CARNS1: variants seen among roughly 807,000 people sequenced by gnomAD.
CARNS1 encodes carnosine synthase 1.
A neutral mutation model predicts 74.0 loss-of-function variants in CARNS1; 61 were observed. That is an observed-to-expected ratio of 0.82 (90% confidence interval 0.67 to 1.02). The LOEUF is 1.02. Ranked by LOEUF, CARNS1 falls within the 50% of genes least tolerant of loss-of-function variation. The pLI, the probability that CARNS1 is intolerant of heterozygous loss-of-function variation, is 0.00. For synonymous variants in CARNS1, 568 were observed against 605.5 expected, an observed-to-expected ratio of 0.94 and a Z score of 0.91; for missense variants, 1,278 against 1,308.4, an observed-to-expected ratio of 0.98 and a Z score of 0.36.
chr11:67,421,031 C>A lies in CARNS1; in HGVS notation c.1438C>A (p.Leu480Met). ...GGLCLEACGA[L>M]EGLWAAPRLG... Reference sequence around the variant, plus strand: ...CCTGTGTCTGGAGGCGTGCGGCGCGCTGGAGGGGCTGTGGGCCGCGCCGCG... The same window carrying A: ...CCTGTGTCTGGAGGCGTGCGGCGCGATGGAGGGGCTGTGGGCCGCGCCGCG... The change falls in exon 9 of 10, where the codon CTG becomes ATG. Residue 480 changes from leucine to methionine, a missense_variant. Leu to Met is a conservative substitution (Grantham distance 15). This residue lies in a region of CARNS1 where 1,164 missense variants were observed against 1,156.5 expected (regional missense o/e 1.01). Coordinates refer to ENST00000687366, the MANE Select transcript of CARNS1 (RefSeq NM_001166222.2). 7.3e-7 allele frequency: 1 copy of A among 1,361,150 alleles called. No homozygotes were observed. The highest frequency in any genetic ancestry group is 9.4e-7 in the Non-Finnish European group (1 of 1,065,422). 84.3% of individuals were successfully genotyped at this position (1,361,150 alleles called of 1,614,324 possible).
At position 67,421,212 on chromosome 11, in the gene CARNS1, G is replaced by A; in HGVS notation, c.1619G>A (p.Gly540Glu). ...GTGTGGGAGGCGGCGCGCGACTACG[G>A]GCTCCAGGTGGGCGGGGCGCGGGGC... ...KFVWEAARDY[G>E]LQLHLVESDP... The change falls in exon 9 of 10, where the codon GGG becomes GAG. Residue 540 changes from glycine to glutamate, a missense_variant. Physicochemically the swap from Gly to Glu is moderately conservative, Grantham distance 98 (BLOSUM62 -2). Transcript: ENST00000687366. The A allele has an allele frequency of 6.7e-7, 1 of 1,488,800 alleles. No homozygotes were observed. The highest frequency in any genetic ancestry group is 8.9e-7 in the Non-Finnish European group (1 of 1,126,082). 92.2% of individuals were successfully genotyped at this position (1,488,800 alleles called of 1,614,324 possible).
chr11:67,419,745 TC>T lies in CARNS1; in HGVS notation c.1028-3del. ...GTGCTGGCCTTAGACCTCCCCGTCT[TC>T]CCCCAGATGGTCCTTCACCCGGCCC... is the stretch of plus-strand genomic sequence containing the variant. On this transcript the variant is annotated splice_polypyrimidine_tract_variant and splice_region_variant and intron_variant, in intron 6 of 9. Coordinates refer to ENST00000687366, the MANE Select transcript of CARNS1 (RefSeq NM_001166222.2). 6.2e-7 allele frequency: 1 copy of T among 1,601,790 alleles called. No individual in the cohort carries two copies. The highest frequency in any genetic ancestry group is 8.5e-7 in the Non-Finnish European group (1 of 1,174,748).
Position 67,420,845 on chromosome 11 carries a change from G to A in CARNS1, c.1345+5G>A. ...GGGCGCACACGGACTTCCTGGGTGA[G>A]TGAGGGCGGCCGGGGCCGGGGCCGG... is the stretch of plus-strand genomic sequence containing the variant. On this transcript the variant is annotated splice_donor_5th_base_variant and intron_variant, in intron 8 of 9. Transcript: ENST00000687366. The A allele has an allele frequency of 8.0e-7, 1 of 1,257,504 alleles. No homozygotes were observed. Among genetic ancestry groups the A allele is most frequent in the Non-Finnish European group, 1.0e-6 (1 of 1,004,050 alleles). 77.9% of individuals were successfully genotyped at this position (1,257,504 alleles called of 1,614,324 possible). A position where few individuals can be genotyped will look rare whatever the true frequency, so the allele number is the denominator to read the frequency against.
At position 67,423,628 on chromosome 11, in the gene CARNS1, A is replaced by G; in HGVS notation, c.1880A>G (p.Lys627Arg). The change falls in exon 10 of 10, where the codon AAG (lysine) becomes AGG (arginine). Residue 627 changes from lysine (K) to arginine (R), a missense_variant. Lys to Arg is a conservative substitution (Grantham distance 26). This residue lies in a region of CARNS1 where 1,164 missense variants were observed against 1,156.5 expected (regional missense o/e 1.01). Transcript: ENST00000687366. The surrounding 1 kb of genome is among the most constrained non-coding windows in gnomAD (Gnocchi z 5.1). ...SPAAMRLAKQ[K>R]SLTQLHLLHH... ...GCTGCCATGCGCCTGGCTAAGCAGA[A>G]GAGCCTCACCCAGCTGCACCTGTTG... is the stretch of plus-strand genomic sequence containing the variant. 1 of 1,609,582 alleles carries G rather than the reference A, an allele frequency of 6.2e-7. No individual in the cohort carries two copies. Among genetic ancestry groups the G allele is most frequent in the Non-Finnish European group, 8.5e-7 (1 of 1,178,642 alleles).
rs1341449906 is a variant in CARNS1 at position 67,423,816 on chromosome 11, G to A, written c.2068G>A (p.Asp690Asn). The change falls in exon 10 of 10, where the codon GAT becomes AAT. Residue 690 changes from aspartate to asparagine, a missense_variant. By Grantham distance (23) the Asp-to-Asn change is conservative. This residue lies in a region of CARNS1 where 1,164 missense variants were observed against 1,156.5 expected (regional missense o/e 1.01). Coordinates refer to ENST00000687366, the MANE Select transcript of CARNS1 (RefSeq NM_001166222.2). This position sits in a 1 kb window ranked among gnomAD's most constrained non-coding sequence, Gnocchi z 5.1. ...TGCAGTGGGTGTCCGGCTGGTAGAG[G>A]ATGCGCCACAGTGCCATGAGCACTT... The part of the protein sequence containing the change: ...AGAVGVRLVE[D>N]APQCHEHFSR... The A allele has an allele frequency of 3.7e-6, 6 of 1,608,624 alleles. No homozygotes were observed. Among genetic ancestry groups the A allele is most frequent in the Admixed American group, 1.7e-5 (1 of 59,868 alleles).
At chr11:67,419,277 A>G in intron 5 of CARNS1, 34 bp downstream of exon 5, 15 of 1,469,040 alleles carry the variant, frequency 1.0e-5, no homozygotes, top group East Asian at 2.5e-5. Context: ...AGGTCTGTAC[A>G]GATGCCAGCA....
intron 7 of CARNS1, among the ~76,000 whole-genome samples, 173 bp from the exon 8 acceptor site, chr11:67,420,436 G>C (rs1217629986): frequency 6.6e-6 from 1 of 152,238 alleles, no homozygotes; most frequent in East Asian, 1.9e-4. Context: ...AGAGGTCTGG[G>C]GACCAGATGG....
chr11:67,415,693 C>T lies in CARNS1; in HGVS notation c.-95C>T. ...TGGGCCGGGCGCTGTGCCACTGCCA[C>T]CGCCGCCGCCGCTGCATCCCGCCCG... On this transcript the variant is annotated 5_prime_UTR_variant, in exon 1 of 10. Transcript: ENST00000687366. 6.5e-6 allele frequency: 1 copy of T among 154,034 alleles called. No individual in the cohort carries two copies. The highest frequency in any genetic ancestry group is 1.8e-4 in the South Asian group (1 of 5,690). The allele number at this position is 154,034 out of a possible 1,614,324, so 9.5% of individuals were successfully genotyped here. A position where few individuals can be genotyped will look rare whatever the true frequency, so the allele number is the denominator to read the frequency against.
Position 67,416,175 on chromosome 11 carries a change from GTCTC to G in CARNS1, c.-22_-19del, listed in dbSNP as rs1427752456. ...CTCTGTCCCTCTGTCTCTGCCATCA[GTCTC>G]TCAGCCACTCCACCCACGAGATGGT... On this transcript the variant is annotated splice_region_variant and 5_prime_UTR_variant, in exon 2 of 10. Transcript: ENST00000687366. The G allele has an allele frequency of 4.0e-6, 6 of 1,495,820 alleles. No homozygotes were observed. The East Asian group carries it at 9.8e-5, about 24-fold the overall frequency. The allele number at this position is 1,495,820 out of a possible 1,614,324, so 92.7% of individuals were successfully genotyped here. A position where few individuals can be genotyped will look rare whatever the true frequency, so the allele number is the denominator to read the frequency against.
Position 67,424,395 on chromosome 11 carries a change from C to A in CARNS1, c.2647C>A (p.Gln883Lys). 6.3e-7 allele frequency: 1 copy of A among 1,592,644 alleles called. No homozygotes were observed. The highest frequency in any genetic ancestry group is 2.3e-5 in the East Asian group (1 of 43,744). ...TTCCACCGCCAGCCGTGAGACCCTG[C>A]AGGCCCTGCACGACCGTGGACTGCT... ...LSSTASRETL[Q>K]ALHDRGLLRL... The change falls in exon 10 of 10, where the codon CAG (glutamine) becomes AAG (lysine). Residue 883 changes from glutamine (Q) to lysine (K), a missense_variant. Transcript: ENST00000687366.
At position 67,424,376 on chromosome 11, in the gene CARNS1, C is replaced by G; in HGVS notation, c.2628C>G (p.Thr876=). The stretch of plus-strand genomic sequence containing the variant: ...AGCACCTGCAGGCCCTGAGTTCCAC[C>G]GCCAGCCGTGAGACCCTGCAGGCCC... The part of the protein sequence containing the change: ...VSQHLQALSS[T]ASRETLQALH... Residue 876 remains threonine (T), a synonymous_variant, in exon 10 of 10, where the codon ACC becomes ACG. Transcript: ENST00000687366. 1 of 1,596,018 alleles carries G rather than the reference C, an allele frequency of 6.3e-7. No homozygotes were observed. Among genetic ancestry groups the G allele is most frequent in the Non-Finnish European group, 8.5e-7 (1 of 1,171,704 alleles).
chr11:67,417,718 G>A (rs944207283), intron 3 of CARNS1, 41 bp downstream of exon 3: 15 of 1,223,174 alleles, frequency 1.2e-5, no homozygotes, highest in Non-Finnish European at 1.5e-5. Context: ...TCTGGGGGCA[G>A]GGAGGGGCCC....
rs866047750 is a variant in CARNS1 at position 67,417,475 on chromosome 11, C to A, written c.72C>A (p.Gly24=). The change falls in exon 3 of 10, where the codon GGC becomes GGA. Residue 24 remains glycine (G), a synonymous_variant. Transcript: ENST00000687366. ...GCTCCAAGGACCTGGAGGAAGAGGG[C>A]CCCTGGGGAGGGGGCTCTGGCCTGC... The part of the protein sequence containing the change: ...PLGSKDLEEE[G]PWGGGSGLPP... 1.4e-6 allele frequency: 2 copies of A among 1,451,642 alleles called. No individual in the cohort carries two copies. Among genetic ancestry groups the A allele is most frequent in the Non-Finnish European group, 9.1e-7 (1 of 1,104,662 alleles). 89.9% of individuals were successfully genotyped at this position (1,451,642 alleles called of 1,614,324 possible).
Position 67,425,210 on chromosome 11 carries a change from C to CCCCA in CARNS1, c.*612_*613insACCC. 1 of 383,634 alleles carries CCCCA rather than the reference C, an allele frequency of 2.6e-6. No homozygotes were observed. The highest frequency in any genetic ancestry group is 5.2e-6 in the Non-Finnish European group (1 of 192,896). 23.8% of individuals were successfully genotyped at this position (383,634 alleles called of 1,614,324 possible). Reference sequence around the variant, plus strand: ...CAGGCAGACACAACTGCCTATGTTCCCCCGATGAGAGGAAACAGGCTGAGA... The same window carrying CCCCA: ...CAGGCAGACACAACTGCCTATGTTCCCCCACCCGATGAGAGGAAACAGGCTGAGA... On this transcript the variant is annotated 3_prime_UTR_variant, in exon 10 of 10. Coordinates refer to ENST00000687366, the MANE Select transcript of CARNS1 (RefSeq NM_001166222.2).
rs778916585 is a variant in CARNS1 at position 67,419,671 on chromosome 11, A to T, written c.1027+10A>T. ...CAGCTGCCCTGCTCAGGTGAGAGCC[A>T]CCTGGGCTGACCAGGGATGGGAGTT... On this transcript the variant is annotated intron_variant, in intron 6 of 9. Coordinates refer to ENST00000687366, the MANE Select transcript of CARNS1 (RefSeq NM_001166222.2). 5 of 1,589,456 alleles carry T rather than the reference A, an allele frequency of 3.1e-6. No individual in the cohort carries two copies. The South Asian group carries it at 5.7e-5, about 18-fold the overall frequency.
chr11:67,418,358 G>A, intron 3 of CARNS1, 73 bp from the exon 4 acceptor site: 1 of 1,112,560 alleles, frequency 9.0e-7, no homozygotes, highest in Non-Finnish European at 1.2e-6. Flanking sequence ...CCGTGGGTGT[G>A]GAGGTGGTGG....
intron 2 of CARNS1, chr11:67,416,989 G>T: frequency 1.0e-6 from 1 of 995,242 alleles, no homozygotes; most frequent in Non-Finnish European, 1.2e-6. Context: ...TGATGGCTGG[G>T]TTCGTTCATT....
At chr11:67,420,875 C>G in intron 8 of CARNS1, 35 bp downstream of exon 8, 1 of 1,289,320 alleles carries the variant, frequency 7.8e-7, no homozygotes, top group Non-Finnish European at 9.8e-7. Context: ...GGCCGGGAGC[C>G]GAGGGCCAGG....
chr11:67,416,300 G>A, intron 2 of CARNS1, 98 bp downstream of exon 2: 3 of 1,531,892 alleles, frequency 2.0e-6, no homozygotes, highest in Non-Finnish European at 1.7e-6. Flanking sequence ...AAGCCTGGGA[G>A]TTGCCCCCTG....
Sources: allele counts gnomAD v4.1 joint callset (sites outside exome capture counted in the v4.1 genomes callset), GRCh38; gene constraint gnomAD v4.1.1; regional missense constraint gnomAD v4.1.1; non-coding constraint Gnocchi (gnomAD v3.1); transcripts MANE v1.5; gene names NCBI Gene and HGNC (gene_info 2026-07-23, HGNC 2026-07-21).